The following JCAD variants were observed in gnomAD, a reference collection of about 807,000 sequenced individuals.
JCAD encodes junctional cadherin 5-associated protein.
Under a neutral mutation model 98.0 loss-of-function variants are expected in JCAD, and 40 were observed. The observed-to-expected ratio is 0.41, with a 90% CI of 0.32 to 0.53. JCAD has a LOEUF of 0.53. JCAD is among the 20% of genes least tolerant of loss of function. JCAD has a pLI of 0.31. For synonymous variants in JCAD, 691 were observed against 682.3 expected, an observed-to-expected ratio of 1.01 and a Z score of -0.20; for missense variants, 1,705 against 1,738.1, an observed-to-expected ratio of 0.98 and a Z score of 0.34.
chr10:30,047,559 G>A lies in JCAD; in HGVS notation c.254C>T (p.Thr85Ile), dbSNP rs372175390. ...CGCCTCCGAGGTTCTGGAAGCAGAA[G>A]TGCTCTGGGGCTCCCCGTGGCCTCT... ...TPRGHGEPQS[T>I]SASRTSEAGF... The change falls in exon 2 of 4, where the codon ACT (threonine) becomes ATT (isoleucine). Residue 85 changes from threonine to isoleucine, a missense_variant. Thr to Ile is a moderately conservative substitution (Grantham distance 89). Transcript: ENST00000375377. The A allele has an allele frequency of 6.1e-5, 99 of 1,613,534 alleles. No homozygotes were observed. The highest frequency in any genetic ancestry group is 8.2e-5 in the Non-Finnish European group (97 of 1,179,902).
intron 2 of JCAD, among the ~76,000 whole-genome samples, chr10:30,039,682 G>A (rs1260707281): frequency 6.6e-6 from 1 of 152,218 alleles, no homozygotes; most frequent in Admixed American, 6.5e-5. Flanking sequence ...CGGGGCACGT[G>A]CAGAGGGGTG....
chr10:30,026,915 G>A lies in JCAD; in HGVS notation c.3233C>T (p.Pro1078Leu). The A allele has an allele frequency of 6.2e-7, 1 of 1,614,046 alleles. No individual in the cohort carries two copies. Among genetic ancestry groups the A allele is most frequent in the Non-Finnish European group, 8.5e-7 (1 of 1,180,014 alleles). Residue 1078 changes from proline to leucine, a missense_variant, in exon 3 of 4, where the codon CCA becomes CTA. This residue lies in a region of JCAD where 1,278 missense variants were observed against 1,243.1 expected (regional missense o/e 1.03). Coordinates refer to ENST00000375377, the MANE Select transcript of JCAD (RefSeq NM_020848.4). ...AGCCCTGGCTTGCAAGGACTCACCT[G>A]GGGGGATTTCTATTGTGCTTGCTTC... is the stretch of plus-strand genomic sequence containing the variant. ...LGEASTIEIP[P>L]GESLQARAAR...
In JCAD at chr10:30,111,026, G is replaced by C. The variant is rs557793521; in HGVS notation, n.128+4341C>G. ...GGACTAACTGATGTATGGGGCAGCT[G>C]ATGTATAGACCCCTGATGTATAGAC... On this transcript the variant is annotated intron_variant and non_coding_transcript_variant, in intron 1 of 2. Transcript: ENST00000465712. Among the ~76,000 whole-genome samples the C allele has an allele frequency of 3.9e-5, 6 of 152,114 alleles. No individual in the cohort carries two copies. In the South Asian group the frequency reaches 1.0e-3, roughly 26 times the overall value.
At chr10:30,059,599 T>TCCGCCCCGCCCCCCGCCCGGGC (rs1837662716), upstream of JCAD, 1 of 146,266 alleles carries the variant, frequency 6.8e-6, no homozygotes, top group Admixed American at 6.7e-5. This position sits in a 1 kb window ranked among gnomAD's most constrained non-coding sequence, Gnocchi z 5.0. Context: ...AGAACCGCCG[T>TCCGCCCCGCCCCCCGCCCGGGC]CCGCCCCGCC....
intron 2 of JCAD, among the ~76,000 whole-genome samples, chr10:30,035,711 G>A (rs576104833): frequency 1.3e-5 from 2 of 152,312 alleles, no homozygotes; most frequent in South Asian, 4.1e-4. Context: ...CATTTTAAAA[G>A]ACATTAACAA....
chr10:30,032,512 C>A (rs1837023741), intron 2 of JCAD, among the ~76,000 whole-genome samples: 1 of 152,130 alleles, frequency 6.6e-6, no homozygotes, highest in Admixed American at 6.6e-5. Flanking sequence ...TCAGGGGACT[C>A]AACAGTTTTG....
chr10:30,053,663 CT>C (rs1175181180), intron 1 of JCAD, among the ~76,000 whole-genome samples: 5 of 151,798 alleles, frequency 3.3e-5, no homozygotes, highest in Non-Finnish European at 7.4e-5. Context: ...AGGATCTGTC[CT>C]AATGAAATAA....
intron 1 of JCAD, among the ~76,000 whole-genome samples, chr10:30,088,343 C>A (rs1196079100): frequency 2.0e-5 from 3 of 152,044 alleles, no homozygotes; most frequent in Non-Finnish European, 4.4e-5. Flanking sequence ...AAAACAGTCA[C>A]CCTAGGAGTT....
chr10:30,041,456 C>G (rs576135866), intron 2 of JCAD, among the ~76,000 whole-genome samples: 11 of 152,098 alleles, frequency 7.2e-5, no homozygotes, highest in East Asian at 5.8e-4. Flanking sequence ...TTTGGAAAAC[C>G]CTTATAAGCA....
At chr10:30,023,270 T>G (rs919404687) in intron 3 of JCAD, among the ~76,000 whole-genome samples, 3 of 152,302 alleles carry the variant, frequency 2.0e-5, no homozygotes, top group Admixed American at 6.5e-5. Flanking sequence ...ACTCCTGACC[T>G]CAAGTGATCC....
intron 2 of JCAD, among the ~76,000 whole-genome samples, chr10:30,047,297 T>C (rs1837360490): frequency 6.6e-6 from 1 of 152,168 alleles, no homozygotes; most frequent in African/African-American, 2.4e-5. Context: ...GCTTGAACCC[T>C]GGAGACGGTT....
intron 2 of JCAD, among the ~76,000 whole-genome samples, chr10:30,045,901 A>C (rs1837325336): frequency 6.6e-6 from 1 of 152,180 alleles, no homozygotes; most frequent in East Asian, 1.9e-4. Context: ...GCTTTTCTCC[A>C]ATAATGTGTT....
intron 1 of JCAD, among the ~76,000 whole-genome samples, chr10:30,102,493 C>T (rs192317365): frequency 7.3e-4 from 111 of 152,296 alleles, no homozygotes; most frequent in African/African-American, 2.6e-3. Context: ...TTTTTAAGTG[C>T]ACATTACAAT....
chr10:30,089,312 G>C (rs995420138), intron 1 of JCAD, among the ~76,000 whole-genome samples: 1 of 152,190 alleles, frequency 6.6e-6, no homozygotes, highest in Admixed American at 6.5e-5. Flanking sequence ...CACCACAGTG[G>C]TGTCAGCGAA....
chr10:30,027,284 T>C lies in JCAD; in HGVS notation c.2864A>G (p.Glu955Gly), dbSNP rs572598754. The change falls in exon 3 of 4, where the codon GAG becomes GGG. Residue 955 changes from glutamate (E) to glycine (G), a missense_variant. By Grantham distance (98) the Glu-to-Gly change is moderately conservative. Around this residue, in one of 3 missense-constraint regions of JCAD, gnomAD observed 1,278 missense variants for 1,243.1 expected, o/e 1.03. Transcript: ENST00000375377. Reference protein sequence around the residue: ...FCSADGSTSAEKRHLEVSNGM... With the variant: ...FCSADGSTSAGKRHLEVSNGM... ...GTTGCTAACCTCCAGGTGTCTCTTCTCTGCACTCGTGCTTCCATCTGCTGA... is the reference window on the plus strand; with the variant it reads ...GTTGCTAACCTCCAGGTGTCTCTTCCCTGCACTCGTGCTTCCATCTGCTGA... 6.2e-7 allele frequency: 1 copy of C among 1,614,188 alleles called. No individual in the cohort carries two copies. The highest frequency in any genetic ancestry group is 8.5e-7 in the Non-Finnish European group (1 of 1,180,040).
chr10:30,088,638 T>C (rs1838205554), intron 1 of JCAD, among the ~76,000 whole-genome samples: 1 of 152,060 alleles, frequency 6.6e-6, no homozygotes, highest in South Asian at 2.1e-4. Context: ...GACAGATAAT[T>C]TATCTCTATC....
intron 3 of JCAD, among the ~76,000 whole-genome samples, chr10:30,018,940 T>A (rs1836596321): frequency 6.6e-6 from 1 of 152,178 alleles, no homozygotes; most frequent in Non-Finnish European, 1.5e-5. Flanking sequence ...GACATCAGTA[T>A]GGAAGAGATA....
rs921627694 is a variant in JCAD at position 30,029,368 on chromosome 10, C to T, written c.780G>A (p.Pro260=). The change falls in exon 3 of 4, where the codon CCG becomes CCA. Residue 260 remains proline (P), a synonymous_variant. Transcript: ENST00000375377. The part of the protein sequence containing the change: ...LNERHSPKMP[P]YPPTCAPNLD... ...AATTTGGTGCGCAAGTGGGAGGATACGGTGGCATTTTAGGTGAATGTCTTT... is the reference window on the plus strand; with the variant it reads ...AATTTGGTGCGCAAGTGGGAGGATATGGTGGCATTTTAGGTGAATGTCTTT... The T allele has an allele frequency of 2.3e-5, 37 of 1,613,848 alleles. No homozygotes were observed. Among genetic ancestry groups the T allele is most frequent in the Middle Eastern group, 1.6e-4 (1 of 6,084 alleles).
rs1355120519 is a variant in JCAD, at chr10:30,083,557, TG to T, written n.129-13737del. Among the ~76,000 whole-genome samples the T allele has an allele frequency of 2.0e-5, 3 of 152,228 alleles. No individual in the cohort carries two copies. In the East Asian group the frequency reaches 5.8e-4, roughly 29 times the overall value. On this transcript the variant is annotated intron_variant and non_coding_transcript_variant, in intron 1 of 2. Coordinates refer to the JCAD transcript ENST00000465712. Reference sequence around the variant, plus strand: ...ACTCAATAGAGACAAAAGAGTTCTTTGTATACCACAGAATACAGGGTCTAGA... The same window carrying T: ...ACTCAATAGAGACAAAAGAGTTCTTTTATACCACAGAATACAGGGTCTAGA...
Sources: gnomAD v4.1 joint callset for allele counts (sites outside exome capture counted in the v4.1 genomes callset) on GRCh38, gnomAD v4.1.1 for gene constraint, gnomAD v4.1.1 regional missense constraint, Gnocchi (gnomAD v3.1) non-coding constraint, MANE v1.5 for transcripts, NCBI Gene and HGNC (gene_info 2026-07-23, HGNC 2026-07-21) for gene names.